Variants in CSNK1G1 observed in about 807,000 individuals in gnomAD.
CSNK1G1 encodes the protein casein kinase I isoform gamma-1.
A neutral mutation model predicts 59.6 loss-of-function variants in CSNK1G1; 22 were observed. The ratio of observed to expected loss-of-function variants is 0.37; its 90% confidence interval spans 0.26 to 0.53. The LOEUF is 0.53. Ranked by LOEUF, CSNK1G1 falls within the 20% of genes least tolerant of loss-of-function variation. The pLI, the probability that CSNK1G1 is intolerant of heterozygous loss-of-function variation, is 0.89. For synonymous variants in CSNK1G1, 179 were observed against 177.1 expected (o/e 1.01, Z -0.08); for missense variants, 384 against 519.5 (o/e 0.74, Z 2.54).
intron 10 of CSNK1G1, among the ~76,000 whole-genome samples, chr15:64,199,830 G>A (rs547565580): frequency 4.6e-5 from 7 of 152,020 alleles, no homozygotes; most frequent in African/African-American, 1.2e-4. Context: ...ACCACCCTGG[G>A]CGACAGAGCA....
intron 4 of CSNK1G1, among the ~76,000 whole-genome samples, chr15:64,221,787 A>C (rs7181625): frequency 0.19 from 29,409 of 151,888 alleles, 3,961 homozygotes; most frequent in African/African-American, 0.39. Flanking sequence ...CAGATGCTGG[A>C]GAGGCTATGG....
At chr15:64,203,998 C>A (rs2082144017) in intron 9 of CSNK1G1, among the ~76,000 whole-genome samples, 1 of 151,612 alleles carries the variant, frequency 6.6e-6, no homozygotes, top group Non-Finnish European at 1.5e-5. Context: ...TAAAAATTAG[C>A]CGGGCGTGGT....
chr15:64,214,262 C>T lies in CSNK1G1; in HGVS notation c.445-138G>A, dbSNP rs899397392. The T allele has an allele frequency of 2.5e-5, 16 of 652,912 alleles. No homozygotes were observed. The highest frequency in any genetic ancestry group is 2.4e-4 in the African/African-American group (13 of 54,666). The allele number at this position is 652,912 out of a possible 1,614,324, so 40.4% of individuals were successfully genotyped here. On this transcript the variant is annotated intron_variant, in intron 5 of 11. Coordinates refer to ENST00000303052, the MANE Select transcript of CSNK1G1 (RefSeq NM_022048.5). The surrounding 1 kb of genome is among the most constrained non-coding windows in gnomAD (Gnocchi z 4.3). ...CATCTCCTTTCACCGCCCTGAGTCACTTCACTGACTTGTAAACAAAAAAAT... is the reference window on the plus strand; with the variant it reads ...CATCTCCTTTCACCGCCCTGAGTCATTTCACTGACTTGTAAACAAAAAAAT...
Position 64,217,388 on chromosome 15 carries a change from A to G in CSNK1G1, c.293-675T>C, listed in dbSNP as rs544827062. On this transcript the variant is annotated intron_variant, in intron 4 of 11. Coordinates refer to ENST00000303052, the MANE Select transcript of CSNK1G1 (RefSeq NM_022048.5). ...TGGGTTTTCCCCAGATTTGAAATTC[A>G]TAACTATTAAGAAGCCAAAATCCAG... 6.6e-5 allele frequency among the ~76,000 whole-genome samples: 10 copies of G among 152,396 alleles called. No homozygotes were observed. The East Asian group carries it at 1.7e-3, about 26-fold the overall frequency.
At chr15:64,307,676 C>T (rs1895751728) in intron 1 of CSNK1G1, among the ~76,000 whole-genome samples, 2 of 152,100 alleles carry the variant, frequency 1.3e-5, no homozygotes, top group Non-Finnish European at 2.9e-5. Flanking sequence ...TTGTCAGCAA[C>T]TTACTTGTTT....
At chr15:64,283,769 C>CA (rs1894267723) in intron 2 of CSNK1G1, among the ~76,000 whole-genome samples, 1 of 152,322 alleles carries the variant, frequency 6.6e-6, no homozygotes, top group East Asian at 1.9e-4. Flanking sequence ...AGCCATGAGC[C>CA]ACTGCACCTA....
chr15:64,286,723 A>C (rs1014164675), intron 2 of CSNK1G1, among the ~76,000 whole-genome samples: 7 of 152,150 alleles, frequency 4.6e-5, no homozygotes, highest in Non-Finnish European at 8.8e-5. Flanking sequence ...AATTATGGAA[A>C]TCTACCCCTA....
Position 64,188,001 on chromosome 15 carries a change from G to A in CSNK1G1, c.1108-7547C>T, listed in dbSNP as rs1188938179. Among the ~76,000 whole-genome samples the A allele has an allele frequency of 6.6e-6, 1 of 152,178 alleles. No individual in the cohort carries two copies. Among genetic ancestry groups the A allele is most frequent in the Non-Finnish European group, 1.5e-5 (1 of 68,042 alleles). On this transcript the variant is annotated intron_variant, in intron 10 of 11. Coordinates refer to ENST00000303052, the MANE Select transcript of CSNK1G1 (RefSeq NM_022048.5). The surrounding 1 kb of genome is among the most constrained non-coding windows in gnomAD (Gnocchi z 4.2). ...ACATATCATGGAATGAGCAACATATGCAGTCCTTTAGTCCTCTATTCAAAA... is the reference window on the plus strand; with the variant it reads ...ACATATCATGGAATGAGCAACATATACAGTCCTTTAGTCCTCTATTCAAAA...
chr15:64,259,070 T>C (rs878876532), intron 3 of CSNK1G1, 131 bp downstream of exon 3: 35 of 649,030 alleles, frequency 5.4e-5, no homozygotes, highest in South Asian at 5.3e-4. Flanking sequence ...AAGAAAAATG[T>C]GGGATCATAC....
At chr15:64,281,404 C>T (rs373217378) in intron 2 of CSNK1G1, among the ~76,000 whole-genome samples, 2 of 152,086 alleles carry the variant, frequency 1.3e-5, no homozygotes, top group South Asian at 2.1e-4. Context: ...CCAGGAGTTC[C>T]AGACCAGTCT....
intron 10 of CSNK1G1, 47 bp downstream of exon 10, chr15:64,203,035 G>T (rs748889847): frequency 1.4e-6 from 2 of 1,397,396 alleles, no homozygotes; most frequent in Admixed American, 3.4e-5. Flanking sequence ...TTTAATATTA[G>T]CCAAGAAGAA....
chr15:64,287,273 C>A (rs1234397877), intron 2 of CSNK1G1, among the ~76,000 whole-genome samples: 1 of 152,130 alleles, frequency 6.6e-6, no homozygotes, highest in Non-Finnish European at 1.5e-5. Context: ...GCTAAAGTTC[C>A]TTATAAGTCT....
At chr15:64,271,776 C>T (rs1017357897) in intron 2 of CSNK1G1, among the ~76,000 whole-genome samples, 1 of 152,112 alleles carries the variant, frequency 6.6e-6, no homozygotes, top group Non-Finnish European at 1.5e-5. Context: ...TCTGTAAGAT[C>T]CATTTGGTGC....
chr15:64,316,547 A>G (rs1430824507), intron 1 of CSNK1G1, among the ~76,000 whole-genome samples: 1 of 151,484 alleles, frequency 6.6e-6, no homozygotes, highest in East Asian at 1.9e-4. Context: ...AAAAAAAAAA[A>G]AAAAAAAAAG....
chr15:64,329,543 A>C (rs1053655836), intron 1 of CSNK1G1, among the ~76,000 whole-genome samples: 1 of 137,448 alleles, frequency 7.3e-6, no homozygotes, highest in African/African-American at 2.8e-5. Flanking sequence ...AGGGAAATTT[A>C]TAGCACTAAA....
At chr15:64,181,307 A>G in intron 10 of CSNK1G1, 6 of 1,536,086 alleles carry the variant, frequency 3.9e-6, no homozygotes, top group Non-Finnish European at 4.4e-6. Context: ...CTTCTCTTGC[A>G]TGTGTAGCTG....
rs113461067 is a variant in CSNK1G1, at chr15:64,200,120, C to G, written c.1107+2962G>C. ...ATTAGCCCGGTGTGGTGGCAGGCAC[C>G]TGTAATCCCAGCTTCTCAGGAAGCT... On this transcript the variant is annotated intron_variant, in intron 10 of 11. Transcript: ENST00000303052. This position sits in a 1 kb window ranked among gnomAD's most constrained non-coding sequence, Gnocchi z 4.3. Among the ~76,000 whole-genome samples the G allele has an allele frequency of 6.2e-3, 949 of 151,866 alleles. 12 individuals are homozygous for G. The highest frequency in any genetic ancestry group is 0.015 in the African/African-American group (611 of 41,452).
Position 64,289,038 on chromosome 15 carries a change from G to A in CSNK1G1, c.181+11281C>T, listed in dbSNP as rs1350642726. On this transcript the variant is annotated intron_variant, in intron 2 of 11. Coordinates refer to ENST00000303052, the MANE Select transcript of CSNK1G1 (RefSeq NM_022048.5). ...AAAAATACAAAAATTAGCCGGCCGT[G>A]GTGGTGCACGCCTGTAACCCCAGCC... Among the ~76,000 whole-genome samples, 3 of 151,924 alleles carry A rather than the reference G, an allele frequency of 2.0e-5. No individual in the cohort carries two copies. The East Asian group carries it at 5.8e-4, about 29-fold the overall frequency.
rs541665722 is a variant in CSNK1G1, at chr15:64,246,275, T to C, written c.292+5237A>G. On this transcript the variant is annotated intron_variant, in intron 4 of 11. Coordinates refer to ENST00000303052, the MANE Select transcript of CSNK1G1 (RefSeq NM_022048.5). ...AGGTATTTAACAAGTTAACTGGCTT[T>C]CTCTGCCCAATGAGATTTTGTTTTG... Among the ~76,000 whole-genome samples, 7 of 152,326 alleles carry C rather than the reference T, an allele frequency of 4.6e-5. No homozygotes were observed. In the South Asian group the frequency reaches 1.5e-3, roughly 32 times the overall value.
Sources: gnomAD v4.1 joint callset for allele counts (sites outside exome capture counted in the v4.1 genomes callset) on GRCh38, gnomAD v4.1.1 for gene constraint, Gnocchi (gnomAD v3.1) non-coding constraint, MANE v1.5 for transcripts, NCBI Gene and HGNC (gene_info 2026-07-23, HGNC 2026-07-21) for gene names.